OTOG: variants seen among roughly 807,000 people sequenced by gnomAD.
The protein encoded by OTOG is otogelin.
A neutral mutation model predicts 313.8 loss-of-function variants in OTOG; 296 were observed. The observed-to-expected ratio is 0.94, with a 90% CI of 0.86 to 1.04. The LOEUF is 1.04. Ranked by LOEUF, OTOG falls within the 50% of genes least tolerant of loss-of-function variation. The pLI, the probability that OTOG is intolerant of heterozygous loss-of-function variation, is 0.00. For missense variants in OTOG, 3,948 were observed against 3,840.1 expected, an observed-to-expected ratio of 1.03 and a Z score of -0.74; for synonymous variants, 1,533 against 1,554.9, an observed-to-expected ratio of 0.99 and a Z score of 0.33.
At chr11:17,620,749 G>T (rs532900454) in intron 39 of OTOG, among the ~76,000 whole-genome samples, 139 of 152,226 alleles carry the variant, frequency 9.1e-4, no homozygotes, top group African/African-American at 3.2e-3. Context: ...TGTGTTTTAG[G>T]ATACTTGAAG....
intron 22 of OTOG, among the ~76,000 whole-genome samples, chr11:17,577,453 C>T (rs898731864): frequency 5.3e-4 from 80 of 151,956 alleles, no homozygotes; most frequent in Admixed American, 4.6e-4. Context: ...GGGAGGGCTT[C>T]CTGGGGTGGA....
chr11:17,569,335 G>A (rs923353014), intron 16 of OTOG, 47 bp downstream of exon 16: 10 of 1,546,908 alleles, frequency 6.5e-6, no homozygotes, highest in Non-Finnish European at 8.7e-6. Context: ...CTGAGGGTTT[G>A]GACCTCTCTT....
Position 17,631,872 on chromosome 11 carries a change from C to T in OTOG, c.6883C>T (p.Pro2295Ser). The T allele has an allele frequency of 6.4e-7, 1 of 1,550,522 alleles. No homozygotes were observed. Among genetic ancestry groups the T allele is most frequent in the Non-Finnish European group, 8.7e-7 (1 of 1,147,004 alleles). Reference protein sequence around the residue: ...PDSCATTDCSPCLRMVSNRTF... With the variant: ...PDSCATTDCSSCLRMVSNRTF... ...CAGCTGCGCCACAACTGACTGCTCG[C>T]CCTGCCTTCGCATGGTGTCCAACCG... Residue 2295 changes from proline (P) to serine (S), a missense_variant, in exon 41 of 56, where the codon CCC becomes TCC. Coordinates refer to ENST00000399397, the MANE Select transcript of OTOG (RefSeq NM_001292063.2).
chr11:17,558,354 T>A (rs1479359085), intron 9 of OTOG, 39 bp downstream of exon 9: 2 of 1,546,724 alleles, frequency 1.3e-6, no homozygotes, highest in African/African-American at 1.4e-5. Flanking sequence ...CCCTAGAGCC[T>A]GACTTGCTAT....
At chr11:17,629,974 T>TACACAC (rs5789996) in intron 40 of OTOG, among the ~76,000 whole-genome samples, 1 of 150,366 alleles carries the variant, frequency 6.7e-6, no homozygotes, top group African/African-American at 2.4e-5. Flanking sequence ...TAAAAACACT[T>TACACAC]ACACACACAC....
chr11:17,582,057 A>G (rs1852680776), intron 23 of OTOG, among the ~76,000 whole-genome samples: 1 of 152,164 alleles, frequency 6.6e-6, no homozygotes, highest in African/African-American at 2.4e-5. Flanking sequence ...ACAATTATTT[A>G]TCTGCAAAGG....
At chr11:17,605,441 C>T (rs1853358311) in intron 32 of OTOG, among the ~76,000 whole-genome samples, 1 of 152,216 alleles carries the variant, frequency 6.6e-6, no homozygotes, top group Non-Finnish European at 1.5e-5. Flanking sequence ...GCGTGCCCCA[C>T]ATGTCTAATG....
At chr11:17,614,736 T>C (rs1023670263) in intron 39 of OTOG, among the ~76,000 whole-genome samples, 1 of 152,336 alleles carries the variant, frequency 6.6e-6, no homozygotes, top group Middle Eastern at 3.4e-3. Context: ...ATCCTTTTTA[T>C]TGATGAATAG....
chr11:17,620,739 T>C (rs1236976703), intron 39 of OTOG, among the ~76,000 whole-genome samples: 1 of 152,224 alleles, frequency 6.6e-6, no homozygotes, highest in Non-Finnish European at 1.5e-5. Context: ...TTCAATTACA[T>C]GTGTTTTAGG....
chr11:17,602,179 C>A, intron 31 of OTOG, 31 bp from the exon 32 acceptor site: 1 of 1,547,584 alleles, frequency 6.5e-7, no homozygotes, highest in African/African-American at 1.4e-5. Flanking sequence ...GGCCATGGGG[C>A]CAGGTTGCTG....
intron 8 of OTOG, among the ~76,000 whole-genome samples, chr11:17,557,887 G>A (rs990735078): frequency 6.6e-6 from 1 of 152,182 alleles, no homozygotes; most frequent in Admixed American, 6.5e-5. Context: ...GAGAGACACA[G>A]GAGCTTGTTC....
chr11:17,549,571 G>C (rs954697426), intron 3 of OTOG, among the ~76,000 whole-genome samples: 13 of 152,202 alleles, frequency 8.5e-5, no homozygotes, highest in Admixed American at 7.9e-4. Context: ...ATGACTTGTG[G>C]GGGCCCTGCA....
intron 17 of OTOG, among the ~76,000 whole-genome samples, chr11:17,571,699 A>G (rs1852407372): frequency 6.6e-6 from 1 of 152,096 alleles, no homozygotes; most frequent in African/African-American, 2.4e-5. Flanking sequence ...CCCCGCCCCA[A>G]GTGGACAATC....
In OTOG at chr11:17,629,774, A is replaced by G. The variant is rs1854070807; in HGVS notation, c.6712+458A>G. ...GCACACAGCAGAGCTGCCACAATAC[A>G]CAGAACTAATGCTCTTCAGACCATA... On this transcript the variant is annotated intron_variant, in intron 40 of 55. Transcript: ENST00000399397. Among the ~76,000 whole-genome samples the G allele has an allele frequency of 2.6e-5, 4 of 152,180 alleles. No individual in the cohort carries two copies. The South Asian group carries it at 8.3e-4, about 32-fold the overall frequency.
At position 17,570,309 on chromosome 11, in the gene OTOG, AC is replaced by A; in HGVS notation, c.1876del (p.Leu626CysfsTer91). The A allele has an allele frequency of 6.4e-7, 1 of 1,550,720 alleles. No homozygotes were observed. Among genetic ancestry groups the A allele is most frequent in the Non-Finnish European group, 8.7e-7 (1 of 1,147,028 alleles). On this transcript the variant is annotated frameshift_variant, in exon 17 of 56. Coordinates refer to ENST00000399397, the MANE Select transcript of OTOG (RefSeq NM_001292063.2). LOFTEE classifies it high-confidence loss of function. ...VLYDREGLRLYLQVDQRWVED... is the reference protein window; with the variant it reads ...VLYDREGLRLXLQVDQRWVED... The stretch of plus-strand genomic sequence containing the variant: ...TACGACCGTGAAGGGCTCCGACTGT[AC>A]CTGCAAGTGGACCAGCGATGGGTGG...
At chr11:17,585,172 T>G (rs1294626625) in intron 23 of OTOG, among the ~76,000 whole-genome samples, 1 of 152,256 alleles carries the variant, frequency 6.6e-6, no homozygotes, top group Non-Finnish European at 1.5e-5. Flanking sequence ...ACTTCAAATT[T>G]AATTTCTTTA....
intron 3 of OTOG, among the ~76,000 whole-genome samples, chr11:17,551,355 C>T (rs1337120131): frequency 6.6e-6 from 1 of 152,166 alleles, no homozygotes; most frequent in Non-Finnish European, 1.5e-5. Flanking sequence ...TCTGGAGAGA[C>T]CATGCTCTGG....
chr11:17,631,378 C>CTCTCTG lies in OTOG; in HGVS notation c.6713-323_6713-322insCTCTGT, dbSNP rs375572156. 0.022 allele frequency among the ~76,000 whole-genome samples: 2,893 copies of CTCTCTG among 128,782 alleles called. 141 individuals are homozygous for CTCTCTG. The highest frequency in any genetic ancestry group is 0.1 in the African/African-American group (2,713 of 27,112). The allele number at this position is 128,782 out of a possible 152,430, so 84.5% of individuals were successfully genotyped here. Reference sequence around the variant, plus strand: ...TCCTTCTCTCTCTCTCTCTCTCTCTCTGTGTGTGTGTGGGGGGGGGTATAC... The same window carrying CTCTCTG: ...TCCTTCTCTCTCTCTCTCTCTCTCTCTCTCTGTGTGTGTGTGTGGGGGGGGGTATAC... On this transcript the variant is annotated intron_variant, in intron 40 of 55. Coordinates refer to ENST00000399397, the MANE Select transcript of OTOG (RefSeq NM_001292063.2).
At chr11:17,616,403 T>G (rs1038080870) in intron 39 of OTOG, among the ~76,000 whole-genome samples, 3 of 152,228 alleles carry the variant, frequency 2.0e-5, no homozygotes, top group African/African-American at 7.2e-5. Flanking sequence ...TAGAATCAGC[T>G]TTTTGATTTC....
Sources: allele counts gnomAD v4.1 joint callset (sites outside exome capture counted in the v4.1 genomes callset), GRCh38; gene constraint gnomAD v4.1.1; transcripts MANE v1.5; gene names NCBI Gene and HGNC (gene_info 2026-07-23, HGNC 2026-07-21).